ADAMTSL3: variants seen among roughly 807,000 people sequenced by gnomAD.
ADAMTSL3 encodes the protein ADAMTS-like protein 3.
Under a neutral mutation model 201.7 loss-of-function variants are expected in ADAMTSL3, and 128 were observed. The ratio of observed to expected loss-of-function variants is 0.63; its 90% CI spans 0.55 to 0.73. ADAMTSL3 has a LOEUF of 0.73. Among genes scored for constraint, ADAMTSL3 ranks in the 30% least tolerant of loss-of-function variants. The pLI is 0.00. For missense variants in ADAMTSL3, 1,990 were observed against 2,119.6 expected, an observed-to-expected ratio of 0.94 and a Z score of 1.20; for synonymous variants, 738 against 748.4, an observed-to-expected ratio of 0.99 and a Z score of 0.23.
intron 15 of ADAMTSL3, among the ~76,000 whole-genome samples, chr15:83,902,076 C>A (rs1467544115): frequency 6.6e-6 from 1 of 152,124 alleles, no homozygotes; most frequent in Non-Finnish European, 1.5e-5. Context: ...CTGAGTTGTG[C>A]CGACTATATT....
At chr15:83,891,094 C>A in intron 11 of ADAMTSL3, 3 of 455,742 alleles carry the variant, frequency 6.6e-6, no homozygotes, top group South Asian at 3.5e-5. Flanking sequence ...GATTAATATA[C>A]TGCTAGTTTA....
chr15:83,881,985 C>G (rs528463577), intron 9 of ADAMTSL3, among the ~76,000 whole-genome samples: 5 of 151,794 alleles, frequency 3.3e-5, no homozygotes, highest in African/African-American at 9.7e-5. Context: ...AACCCTATCT[C>G]TACTAAAAAA....
chr15:83,674,788 T>TATATATATATATATATATATAA (rs1555428965), intron 2 of ADAMTSL3, among the ~76,000 whole-genome samples: 1 of 138,828 alleles, frequency 7.2e-6, no homozygotes, highest in Non-Finnish European at 1.6e-5. Flanking sequence ...TATATATATA[T>TATATATATATATATATATATAA]AAATCTTGCT....
chr15:83,687,668 T>C (rs868764470), intron 2 of ADAMTSL3, among the ~76,000 whole-genome samples: 54 of 152,258 alleles, frequency 3.5e-4, no homozygotes, highest in African/African-American at 1.1e-3. Flanking sequence ...AAGCTACATA[T>C]GATTTCAAAA....
chr15:83,971,072 A>G (rs566470566), intron 20 of ADAMTSL3, among the ~76,000 whole-genome samples: 4 of 152,342 alleles, frequency 2.6e-5, no homozygotes, highest in African/African-American at 9.6e-5. Context: ...TGGCAAGGAT[A>G]AAAACATGAA....
chr15:83,751,636 G>A (rs2062638532), intron 3 of ADAMTSL3, among the ~76,000 whole-genome samples: 1 of 152,170 alleles, frequency 6.6e-6, no homozygotes, highest in African/African-American at 2.4e-5. Context: ...TGGAGATGTG[G>A]TGACTGGAAT....
At chr15:83,953,476 TG>T (rs1391149456) in intron 19 of ADAMTSL3, among the ~76,000 whole-genome samples, 10 of 152,238 alleles carry the variant, frequency 6.6e-5, no homozygotes, top group African/African-American at 2.4e-4. Context: ...TTTCTCTTTA[TG>T]TTTTATTGTG....
intron 14 of ADAMTSL3, among the ~76,000 whole-genome samples, chr15:83,898,740 T>C (rs1354614888): frequency 6.6e-6 from 1 of 152,192 alleles, no homozygotes; most frequent in Non-Finnish European, 1.5e-5. Flanking sequence ...CATCTTGAAA[T>C]GGGAGAAAAG....
intron 4 of ADAMTSL3, among the ~76,000 whole-genome samples, chr15:83,784,868 T>C (rs1226562444): frequency 4.6e-5 from 7 of 152,194 alleles, no homozygotes; most frequent in Admixed American, 2.6e-4. Context: ...TATTGGCAGT[T>C]TTTTTCTTTA....
At chr15:83,722,810 T>C (rs2062119297) in intron 3 of ADAMTSL3, among the ~76,000 whole-genome samples, 1 of 152,094 alleles carries the variant, frequency 6.6e-6, no homozygotes, top group African/African-American at 2.4e-5. Context: ...GAACAGTTGG[T>C]TAATTTAGAA....
intron 29 of ADAMTSL3, 57 bp downstream of exon 29, chr15:84,037,044 C>T (rs1049226327): frequency 6.5e-7 from 1 of 1,542,294 alleles, no homozygotes; most frequent in Admixed American, 1.7e-5. Flanking sequence ...GCATCAGATC[C>T]TGATGCTACC....
chr15:83,658,183 C>G (rs1305171830), intron 2 of ADAMTSL3, among the ~76,000 whole-genome samples: 1 of 152,218 alleles, frequency 6.6e-6, no homozygotes, highest in Non-Finnish European at 1.5e-5. Context: ...GATCTCAGCT[C>G]ACTGCAACCT....
At chr15:84,029,740 C>A (rs777925493) in intron 27 of ADAMTSL3, among the ~76,000 whole-genome samples, 8 of 152,194 alleles carry the variant, frequency 5.3e-5, no homozygotes, top group Non-Finnish European at 1.2e-4. Context: ...CTCCAGGGCA[C>A]GTCAGTGGTC....
In ADAMTSL3 at chr15:83,742,073, A is replaced by C. The variant is rs1437972911; in HGVS notation, c.190-31450A>C. Among the ~76,000 whole-genome samples the C allele has an allele frequency of 2.0e-5, 3 of 152,184 alleles. No individual in the cohort carries two copies. The East Asian group carries it at 5.8e-4, about 29-fold the overall frequency. The stretch of plus-strand genomic sequence containing the variant: ...AAAACCCTTGGGAAAGTTCGAAAAA[A>C]ATTACTATATATTAATTCACAAGGA... On this transcript the variant is annotated intron_variant, in intron 3 of 29. Transcript: ENST00000286744.
chr15:83,926,260 T>A (rs1041849000), intron 17 of ADAMTSL3, among the ~76,000 whole-genome samples: 6 of 152,150 alleles, frequency 3.9e-5, no homozygotes, highest in African/African-American at 1.4e-4. Context: ...GAGCTCAGTA[T>A]GCTCAAGGAA....
chr15:83,757,362 C>A (rs1022608446), intron 3 of ADAMTSL3, among the ~76,000 whole-genome samples: 1 of 152,224 alleles, frequency 6.6e-6, no homozygotes, highest in African/African-American at 2.4e-5. Flanking sequence ...ATGGTAGTTG[C>A]CAAGGCTTGG....
intron 19 of ADAMTSL3, among the ~76,000 whole-genome samples, chr15:83,963,317 TG>T (rs2067008418): frequency 6.6e-6 from 1 of 152,012 alleles, no homozygotes; most frequent in African/African-American, 2.4e-5. Context: ...TCCAGCTTGG[TG>T]GGGGAAGGGG....
chr15:83,850,320 A>G (rs1359578637), intron 7 of ADAMTSL3, among the ~76,000 whole-genome samples: 1 of 151,436 alleles, frequency 6.6e-6, no homozygotes, highest in African/African-American at 2.4e-5. Flanking sequence ...ATCTTCTTTC[A>G]CTGTCTCTTT....
In ADAMTSL3 at chr15:83,858,707, C is replaced by T. The variant is rs2064792761; in HGVS notation, c.728-59C>T. ...CGCCCCCAGTTTTGATTGACTTGCT[C>T]ATTTTCATGGGCCTTTAGTGTACTG... is the stretch of plus-strand genomic sequence containing the variant. On this transcript the variant is annotated intron_variant, in intron 7 of 29. Coordinates refer to ENST00000286744, the MANE Select transcript of ADAMTSL3 (RefSeq NM_207517.3). 4 of 1,357,910 alleles carry T rather than the reference C, an allele frequency of 2.9e-6. No individual in the cohort carries two copies. The Admixed American group carries it at 6.0e-5, about 20-fold the overall frequency. The allele number at this position is 1,357,910 out of a possible 1,614,324, so 84.1% of individuals were successfully genotyped here.
Sources: allele counts gnomAD v4.1 joint callset (sites outside exome capture counted in the v4.1 genomes callset), GRCh38; gene constraint gnomAD v4.1.1; transcripts MANE v1.5; gene names NCBI Gene and HGNC (gene_info 2026-07-23, HGNC 2026-07-21).